Variants in CPT1C observed in about 807,000 individuals in gnomAD.
CPT1C encodes carnitine palmitoyltransferase 1C, also known as palmitoyl thioesterase CPT1C.
Under a neutral mutation model 97.3 loss-of-function variants are expected in CPT1C, and 61 were observed. The observed-to-expected ratio is 0.63, with a 90% CI of 0.51 to 0.78. CPT1C has a LOEUF of 0.78. CPT1C is among the 30% of genes least tolerant of loss of function. The probability of loss-of-function intolerance (pLI) is 0.00; values close to 1 mark genes in which losing one functional copy is unlikely to be tolerated. For synonymous variants in CPT1C, 469 were observed against 447.2 expected (o/e 1.05, Z -0.61); for missense variants, 975 against 1,065.5 (o/e 0.92, Z 1.18).
intron 3 of CPT1C, 120 bp downstream of exon 3, chr19:49,692,513 T>C (rs10423579): frequency 0.46 from 594,680 of 1,288,524 alleles, 145,208 homozygotes; most frequent in African/African-American, 0.85. Flanking sequence ...CCCCTTTTTC[T>C]TAGAATTTTG....
intron 3 of CPT1C, among the ~76,000 whole-genome samples, chr19:49,693,900 T>TAC (rs1254533056): frequency 2.0e-5 from 3 of 151,650 alleles, no homozygotes; most frequent in South Asian, 2.1e-4. Flanking sequence ...CTACTAAAAA[T>TAC]ACACACACAC....
chr19:49,701,592 G>T lies in CPT1C; in HGVS notation c.651G>T (p.Leu217=). The change falls in exon 7 of 20, where the codon CTG becomes CTT. Residue 217 remains leucine (L), a synonymous_variant. Coordinates refer to ENST00000598293, the MANE Select transcript of CPT1C (RefSeq NM_001199753.2). ...QEFLRLQASL[L]QWYLRLKSWW... ...TCCTGAGGCTGCAGGCGTCGCTGCT[G>T]CAGTGGTACCTGCGGCTCAAGTCCT... The T allele has an allele frequency of 6.2e-7, 1 of 1,611,654 alleles. No individual in the cohort carries two copies. Among genetic ancestry groups the T allele is most frequent in the Non-Finnish European group, 8.5e-7 (1 of 1,178,696 alleles).
intron 7 of CPT1C, among the ~76,000 whole-genome samples, chr19:49,701,837 GTA>G (rs1431316342): frequency 1.6e-5 from 2 of 124,192 alleles, no homozygotes; most frequent in African/African-American, 6.0e-5. Flanking sequence ...AAATATATAT[GTA>G]TATATATTTA....
chr19:49,710,784 G>A lies in CPT1C; in HGVS notation c.1793G>A (p.Arg598Gln), dbSNP rs563232158. ...ATGACTCGCTTATTCCTGGAAGGCC[G>A]GACGGAGACGGTGCGGTCTTGCACG... ...SAMTRLFLEG[R>Q]TETVRSCTRE... Residue 598 changes from arginine to glutamine, a missense_variant, in exon 16 of 20, where the codon CGG (arginine) becomes CAG (glutamine). Physicochemically the swap from Arg to Gln is conservative, Grantham distance 43. Coordinates refer to ENST00000598293, the MANE Select transcript of CPT1C (RefSeq NM_001199753.2). The A allele has an allele frequency of 4.3e-6, 7 of 1,614,064 alleles. No individual in the cohort carries two copies. The highest frequency in any genetic ancestry group is 2.2e-5 in the East Asian group (1 of 44,880).
chr19:49,695,584 C>CT lies in CPT1C; in HGVS notation c.142-1721dup, dbSNP rs71180646. 6.1e-3 allele frequency among the ~76,000 whole-genome samples: 565 copies of CT among 93,156 alleles called. 5 individuals carry two copies. Among genetic ancestry groups the CT allele is most frequent in the African/African-American group, 0.011 (197 of 18,478 alleles). The allele number at this position is 93,156 out of a possible 152,430, so 61.1% of individuals were successfully genotyped here. On this transcript the variant is annotated intron_variant, in intron 3 of 19. Transcript: ENST00000598293. ...ACAGGCATGATCCACTGCACCTGGC[C>CT]TTTTTTTTTTTTTTTTTTTTTGACA... is the stretch of plus-strand genomic sequence containing the variant.
At position 49,701,305 on chromosome 19, in the gene CPT1C, C is replaced by A; in HGVS notation, c.454-12C>A. The A allele has an allele frequency of 1.2e-6, 2 of 1,607,854 alleles. No individual in the cohort carries two copies. The highest frequency in any genetic ancestry group is 1.1e-5 in the South Asian group (1 of 90,040). ...GTGAGGGGTTAATGACCCGGTAACT[C>A]CTCCTCCCCAGGCCCTGGTCCGCAT... is the stretch of plus-strand genomic sequence containing the variant. On this transcript the variant is annotated splice_polypyrimidine_tract_variant and intron_variant, in intron 5 of 19. Coordinates refer to ENST00000598293, the MANE Select transcript of CPT1C (RefSeq NM_001199753.2).
intron 3 of CPT1C, among the ~76,000 whole-genome samples, chr19:49,693,882 C>A (rs1178627779): frequency 6.6e-6 from 1 of 151,960 alleles, no homozygotes; most frequent in Non-Finnish European, 1.5e-5. Context: ...CACGGTGAAA[C>A]CCCGTTTCTA....
At chr19:49,692,537 G>A in intron 3 of CPT1C, 144 bp downstream of exon 3, 1 of 1,060,436 alleles carries the variant, frequency 9.4e-7, no homozygotes, top group Non-Finnish European at 1.3e-6. Flanking sequence ...TCTGCTCCCA[G>A]GACCCCTTTA....
At position 49,705,232 on chromosome 19, in the gene CPT1C, C is replaced by G. The variant is rs1026684162; in HGVS notation, c.898C>G (p.Arg300Gly). Reference protein sequence around the residue: ...EIPPTLLMGMRPLCSAQYEKI... With the variant: ...EIPPTLLMGMGPLCSAQYEKI... ...CCTGCAGACTTTGCTGATGGGAATG[C>G]GCCCCTTATGCTCTGCCCAGTACGA... Residue 300 changes from arginine (R) to glycine (G), a missense_variant, in exon 10 of 20, where the codon CGC (arginine) becomes GGC (glycine). Physicochemically the swap from Arg to Gly is moderately radical, Grantham distance 125. This residue lies in a region of CPT1C where 596 missense variants were observed against 603.1 expected (regional missense o/e 0.99). Coordinates refer to ENST00000598293, the MANE Select transcript of CPT1C (RefSeq NM_001199753.2). 1.9e-6 allele frequency: 3 copies of G among 1,613,952 alleles called. No homozygotes were observed. The highest frequency in any genetic ancestry group is 2.5e-6 in the Non-Finnish European group (3 of 1,179,976).
chr19:49,701,877 T>A (rs193094733), intron 7 of CPT1C, among the ~76,000 whole-genome samples: 1,495 of 110,322 alleles, frequency 0.014, 52 homozygotes, highest in East Asian at 0.089. Context: ...AGTGTATATA[T>A]AAATATATAT....
Position 49,700,757 on chromosome 19 carries a change from ATCT to A in CPT1C, c.358_360del (p.Phe120del). On this transcript the variant is annotated inframe_deletion, in exon 5 of 20. Transcript: ENST00000598293. ...TGCCTCGTGTTTGTGGGGAGCCCTG[ATCT>A]TCACACTGCACGTGGCCCTGAGGCT... 6.2e-7 allele frequency: 1 copy of A among 1,612,972 alleles called. No homozygotes were observed. Among genetic ancestry groups the A allele is most frequent in the Non-Finnish European group, 8.5e-7 (1 of 1,179,964 alleles).
At position 49,712,843 on chromosome 19, in the gene CPT1C, C is replaced by G. The variant is rs769291130; in HGVS notation, c.2127C>G (p.Phe709Leu). The G allele has an allele frequency of 6.5e-7, 1 of 1,541,910 alleles. No homozygotes were observed. Among genetic ancestry groups the G allele is most frequent in the Non-Finnish European group, 8.7e-7 (1 of 1,154,064 alleles). Residue 709 changes from phenylalanine (F) to leucine (L), a missense_variant, in exon 18 of 20, where the codon TTC (phenylalanine) becomes TTG (leucine). Coordinates refer to ENST00000598293, the MANE Select transcript of CPT1C (RefSeq NM_001199753.2). ...YPDYVSSGGG[F>L]GPADDHGYGV... ...ACTATGTTTCCTCAGGCGGTGGATT[C>G]GGGCCTGTGAGTGGAGCTGGGCGCG... is the stretch of plus-strand genomic sequence containing the variant.
intron 7 of CPT1C, among the ~76,000 whole-genome samples, chr19:49,703,721 C>T (rs904638937): frequency 4.0e-5 from 6 of 151,868 alleles, no homozygotes; most frequent in Non-Finnish European, 7.4e-5. Context: ...CAGCCTTGAC[C>T]TCCCAGACTC....
intron 3 of CPT1C, among the ~76,000 whole-genome samples, chr19:49,693,731 C>CT (rs1383702224): frequency 2.0e-5 from 3 of 151,796 alleles, no homozygotes; most frequent in African/African-American, 7.3e-5. Flanking sequence ...GGACACCAGC[C>CT]TGGACAACAT....
intron 8 of CPT1C, 36 bp from the exon 9 acceptor site, chr19:49,704,971 C>G (rs202235636): frequency 6.5e-7 from 1 of 1,539,572 alleles, no homozygotes; most frequent in Non-Finnish European, 8.9e-7. Context: ...CAAACCTGAC[C>G]CTGGGTGTTT....
chr19:49,700,815 A>C lies in CPT1C; in HGVS notation c.413A>C (p.Glu138Ala). Residue 138 changes from glutamate to alanine, a missense_variant, in exon 5 of 20, where the codon GAG becomes GCG. Physicochemically the swap from Glu to Ala is moderately radical, Grantham distance 107. This residue lies in a region of CPT1C where 596 missense variants were observed against 603.1 expected (regional missense o/e 0.99). Transcript: ENST00000598293. ...LLLSYHGWLL[E>A]PHGAMSSPTK... The stretch of plus-strand genomic sequence containing the variant: ...CTGTCCTACCACGGCTGGCTTCTTG[A>C]GCCCCACGGAGCCATGTCCTCCCCC... The C allele has an allele frequency of 1.2e-6, 2 of 1,613,096 alleles. No individual in the cohort carries two copies. The highest frequency in any genetic ancestry group is 1.7e-6 in the Non-Finnish European group (2 of 1,179,986).
intron 7 of CPT1C, among the ~76,000 whole-genome samples, chr19:49,704,419 G>A (rs778771214): frequency 1.4e-4 from 21 of 152,120 alleles, no homozygotes; most frequent in Admixed American, 6.6e-4. Context: ...TGATCCACCC[G>A]CTTAGCCTCC....
At position 49,706,365 on chromosome 19, in the gene CPT1C, C is replaced by T. The variant is rs1291529814; in HGVS notation, c.1295C>T (p.Ser432Leu). 9.9e-6 allele frequency: 15 copies of T among 1,508,198 alleles called. No homozygotes were observed. The highest frequency in any genetic ancestry group is 1.7e-4 in the Middle Eastern group (1 of 5,814). The allele number at this position is 1,508,198 out of a possible 1,614,324, so 93.4% of individuals were successfully genotyped here. ...CTCACCAGGGAGGACCCGGCAGCGT[C>T]GTTGGATGCCTACGCCCATGCTCTG... ...AGLTREDPAA[S>L]LDAYAHALLA... The change falls in exon 12 of 20, where the codon TCG (serine) becomes TTG (leucine). Residue 432 changes from serine (S) to leucine (L), a missense_variant. This residue lies in a region of CPT1C where 596 missense variants were observed against 603.1 expected (regional missense o/e 0.99). Coordinates refer to ENST00000598293, the MANE Select transcript of CPT1C (RefSeq NM_001199753.2). This position sits in a 1 kb window ranked among gnomAD's most constrained non-coding sequence, Gnocchi z 4.8.
Position 49,701,413 on chromosome 19 carries a change from C to T in CPT1C, c.550C>T (p.Arg184Cys), listed in dbSNP as rs762226784. 5 of 1,609,168 alleles carry T rather than the reference C, an allele frequency of 3.1e-6. No homozygotes were observed. In the South Asian group the frequency reaches 3.3e-5, roughly 11 times the overall value. ...QPVPSVQDTV[R>C]KYLESVRPIL... ...CGTGCCCTCTGTGCAGGACACCGTG[C>T]GCAAGGTGGGCCTGGGAGCGCGCAG... The change falls in exon 6 of 20, where the codon CGC becomes TGC. Residue 184 changes from arginine (R) to cysteine (C), a missense_variant. By Grantham distance (180) the Arg-to-Cys change is radical. Around this residue, in one of 3 missense-constraint regions of CPT1C, gnomAD observed 596 missense variants for 603.1 expected, o/e 0.99. Transcript: ENST00000598293.
Sources: allele counts gnomAD v4.1 joint callset (sites outside exome capture counted in the v4.1 genomes callset), GRCh38; gene constraint gnomAD v4.1.1; regional missense constraint gnomAD v4.1.1; non-coding constraint Gnocchi (gnomAD v3.1); transcripts MANE v1.5; gene names NCBI Gene and HGNC (gene_info 2026-07-23, HGNC 2026-07-21).